The following KHDRBS2 variants were observed in gnomAD, a reference collection of about 807,000 sequenced individuals.
KHDRBS2 encodes KH RNA binding domain containing, signal transduction associated 2, also known as KH domain-containing, RNA-binding, signal transduction-associated protein 2.
Under a neutral mutation model 44.3 loss-of-function variants are expected in KHDRBS2, and 26 were observed. The ratio of observed to expected loss-of-function variants is 0.59; its 90% CI spans 0.43 to 0.81. The LOEUF (loss-of-function observed/expected upper bound fraction) is 0.81. Among genes scored for constraint, KHDRBS2 ranks in the 40% least tolerant of loss-of-function variants. The pLI, the probability that KHDRBS2 is intolerant of heterozygous loss-of-function variation, is 0.00. For synonymous variants in KHDRBS2, 194 were observed against 151.1 expected (o/e 1.28, Z -2.08); for missense variants, 476 against 433.1 (o/e 1.10, Z -0.88).
At chr6:61,601,836 G>A in the KHDRBS2 span, among the ~76,000 whole-genome samples, 1 of 151,886 alleles carries the variant, frequency 6.6e-6, no homozygotes, top group Non-Finnish European at 1.5e-5. Context: ...CTCACACCTG[G>A]TCCAGCTTAC....
intron 3 of KHDRBS2, among the ~76,000 whole-genome samples, chr6:61,979,910 G>A (rs1282006578): frequency 6.6e-6 from 1 of 152,026 alleles, no homozygotes; most frequent in Non-Finnish European, 1.5e-5. Flanking sequence ...TACTTCCTAT[G>A]TTGATTCCCA....
At chr6:62,061,084 G>T (rs762416084) in intron 2 of KHDRBS2, among the ~76,000 whole-genome samples, 1 of 151,850 alleles carries the variant, frequency 6.6e-6, no homozygotes, top group Admixed American at 6.6e-5. Context: ...AGTTAGATGG[G>T]TTTCCTGAAT....
At chr6:62,167,860 G>A (rs554395553) in intron 2 of KHDRBS2, among the ~76,000 whole-genome samples, 76 of 152,188 alleles carry the variant, frequency 5.0e-4, no homozygotes, top group African/African-American at 1.6e-3. Context: ...CATAGGAGTC[G>A]TAGTTTCCAC....
the KHDRBS2 span, among the ~76,000 whole-genome samples, chr6:61,609,946 G>A: frequency 1.3e-5 from 2 of 152,180 alleles, no homozygotes; most frequent in African/African-American, 4.8e-5. Context: ...GGCCAAGGCG[G>A]GAGGATCACG....
intron 3 of KHDRBS2, among the ~76,000 whole-genome samples, chr6:62,012,790 C>G (rs920760665): frequency 6.6e-6 from 1 of 152,130 alleles, no homozygotes; most frequent in African/African-American, 2.4e-5. Context: ...CCAGGCATTC[C>G]TATCACACGG....
At chr6:61,696,054 C>A (rs1767865549) in intron 8 of KHDRBS2, among the ~76,000 whole-genome samples, 1 of 151,920 alleles carries the variant, frequency 6.6e-6, no homozygotes, top group Admixed American at 6.6e-5. Context: ...GATCATTGCA[C>A]AATTATGGCT....
chr6:61,726,129 C>T (rs1347259959), intron 7 of KHDRBS2, among the ~76,000 whole-genome samples: 1 of 152,138 alleles, frequency 6.6e-6, no homozygotes, highest in Non-Finnish European at 1.5e-5. Flanking sequence ...CCCCAGGATG[C>T]AAGGTTGGTT....
intron 1 of KHDRBS2, among the ~76,000 whole-genome samples, chr6:62,205,337 A>C (rs1827765857): frequency 6.6e-6 from 1 of 152,170 alleles, no homozygotes; most frequent in Non-Finnish European, 1.5e-5. Flanking sequence ...AGATATTTAT[A>C]GTTCTTGACA....
chr6:62,182,839 C>A (rs1176672338), intron 1 of KHDRBS2, among the ~76,000 whole-genome samples: 4 of 151,712 alleles, frequency 2.6e-5, no homozygotes, highest in Non-Finnish European at 5.9e-5. Context: ...TTAGTATAGT[C>A]TATAATTTCA....
chr6:61,589,450 A>G, the KHDRBS2 span, among the ~76,000 whole-genome samples: 2 of 152,192 alleles, frequency 1.3e-5, no homozygotes, highest in South Asian at 4.1e-4. Flanking sequence ...TATTTCAGCA[A>G]CTAAGTTTAA....
At chr6:61,853,811 T>C (rs1353676956) in intron 6 of KHDRBS2, among the ~76,000 whole-genome samples, 2 of 152,350 alleles carry the variant, frequency 1.3e-5, no homozygotes, top group East Asian at 3.9e-4. Context: ...TTCTATTTGT[T>C]GCTCTATCCT....
At chr6:62,205,417 A>T (rs1417087540) in intron 1 of KHDRBS2, among the ~76,000 whole-genome samples, 1 of 152,066 alleles carries the variant, frequency 6.6e-6, no homozygotes, top group African/African-American at 2.4e-5. Context: ...TTCCTATTAG[A>T]TCCCCAAATT....
At chr6:62,233,685 T>G (rs1171511355) in intron 1 of KHDRBS2, among the ~76,000 whole-genome samples, 1 of 152,098 alleles carries the variant, frequency 6.6e-6, no homozygotes, top group African/African-American at 2.4e-5. Context: ...TTCCCCTCTA[T>G]GTGTTCATGT....
chr6:61,642,917 G>A, the KHDRBS2 span, among the ~76,000 whole-genome samples: 1 of 152,188 alleles, frequency 6.6e-6, no homozygotes, highest in East Asian at 1.9e-4. Context: ...TTTCCACCCT[G>A]AAAGGATAAA....
intron 3 of KHDRBS2, among the ~76,000 whole-genome samples, chr6:62,031,435 G>C (rs911153147): frequency 5.3e-5 from 8 of 152,024 alleles, no homozygotes; most frequent in African/African-American, 1.9e-4. Context: ...ACAGCACCAA[G>C]TGAATTCCTG....
At chr6:62,151,048 C>T (rs1171836568) in intron 2 of KHDRBS2, among the ~76,000 whole-genome samples, 1 of 152,124 alleles carries the variant, frequency 6.6e-6, no homozygotes, top group Non-Finnish European at 1.5e-5. Flanking sequence ...TCTATCTGCA[C>T]CTTTTGCTAC....
Position 62,151,518 on chromosome 6 carries a change from A to T in KHDRBS2, c.219+25667T>A, listed in dbSNP as rs74579928. Among the ~76,000 whole-genome samples, 671 of 152,296 alleles carry T rather than the reference A, an allele frequency of 4.4e-3. 6 individuals carry two copies. Among genetic ancestry groups the T allele is most frequent in the East Asian group, 0.038 (196 of 5,172 alleles). On this transcript the variant is annotated intron_variant, in intron 2 of 8. Transcript: ENST00000281156. Reference sequence around the variant, plus strand: ...ATGTATCTTAAGTAAAAGAAGAAACATTTCAAAAGTTACCCAAAAAAACCC... The same window carrying T: ...ATGTATCTTAAGTAAAAGAAGAAACTTTTCAAAAGTTACCCAAAAAAACCC...
At chr6:61,827,624 G>T (rs915221908) in intron 6 of KHDRBS2, among the ~76,000 whole-genome samples, 2 of 152,108 alleles carry the variant, frequency 1.3e-5, no homozygotes, top group Non-Finnish European at 2.9e-5. Flanking sequence ...CATAGACTGG[G>T]TGGATTAAAC....
intron 6 of KHDRBS2, among the ~76,000 whole-genome samples, chr6:61,860,149 A>G (rs1204160765): frequency 6.6e-6 from 1 of 152,012 alleles, no homozygotes; most frequent in Non-Finnish European, 1.5e-5. Context: ...TAAGTAAAAA[A>G]TAAATCCATA....
Sources: allele counts gnomAD v4.1 joint callset (sites outside exome capture counted in the v4.1 genomes callset), GRCh38; gene constraint gnomAD v4.1.1; transcripts MANE v1.5; gene names NCBI Gene and HGNC (gene_info 2026-07-23, HGNC 2026-07-21).